NAV2: variants seen among roughly 807,000 people sequenced by gnomAD.
The protein encoded by NAV2 is helicase, APC down-regulated 1.
A neutral mutation model predicts 223.2 loss-of-function variants in NAV2; 54 were observed. That is an observed-to-expected ratio of 0.24 (90% CI 0.19 to 0.30). The LOEUF (loss-of-function observed/expected upper bound fraction) is 0.30, where lower values mean the gene tolerates loss of function less well. Ranked by LOEUF, NAV2 falls within the 10% of genes least tolerant of loss-of-function variation. The pLI is 1.00. For missense variants in NAV2, 2,806 were observed against 3,147.5 expected, an observed-to-expected ratio of 0.89 and a Z score of 2.60; for synonymous variants, 1,279 against 1,239.3, an observed-to-expected ratio of 1.03 and a Z score of -0.67.
chr11:19,875,076 G>C (rs534300295), intron 4 of NAV2, among the ~76,000 whole-genome samples: 11 of 152,180 alleles, frequency 7.2e-5, no homozygotes, highest in Non-Finnish European at 1.0e-4. Flanking sequence ...AGAATCACTT[G>C]AATCCAGGAG....
chr11:19,847,511 A>T (rs772634579), intron 3 of NAV2, among the ~76,000 whole-genome samples: 9 of 152,240 alleles, frequency 5.9e-5, no homozygotes, highest in Non-Finnish European at 1.0e-4. Flanking sequence ...GGCCAGCCTG[A>T]GCTTGGGGAC....
chr11:19,668,871 GT>G (rs1312097192), intron 1 of NAV2, among the ~76,000 whole-genome samples: 1 of 152,164 alleles, frequency 6.6e-6, no homozygotes, highest in African/African-American at 2.4e-5. Context: ...CAGAATGCAG[GT>G]AACAGACAAT....
intron 1 of NAV2, among the ~76,000 whole-genome samples, chr11:19,491,343 A>G (rs2042620123): frequency 6.6e-6 from 1 of 152,226 alleles, no homozygotes; most frequent in Non-Finnish European, 1.5e-5. Context: ...TTTCATATTC[A>G]CGGAAAATCA....
intron 7 of NAV2, among the ~76,000 whole-genome samples, chr11:19,938,070 C>T (rs2046068963): frequency 6.6e-6 from 1 of 152,026 alleles, no homozygotes; most frequent in African/African-American, 2.4e-5. Context: ...CCTGTTAAAG[C>T]CATGTGGAGA....
At chr11:19,539,297 A>C (rs1223332393) in intron 1 of NAV2, among the ~76,000 whole-genome samples, 1 of 152,174 alleles carries the variant, frequency 6.6e-6, no homozygotes, top group East Asian at 1.9e-4. Context: ...TCGTTTTCAA[A>C]ATTGATCTAT....
chr11:19,941,513 A>G (rs1164588737), intron 8 of NAV2, among the ~76,000 whole-genome samples: 1 of 141,732 alleles, frequency 7.1e-6, no homozygotes, highest in Non-Finnish European at 1.5e-5. Context: ...AGTGCATGGT[A>G]GGACTATTTA....
At chr11:19,578,028 A>G (rs2045616544) in intron 1 of NAV2, among the ~76,000 whole-genome samples, 1 of 152,182 alleles carries the variant, frequency 6.6e-6, no homozygotes. Flanking sequence ...TTCCAAACAC[A>G]CATCTATTTT....
At chr11:19,651,852 G>T (rs2047977154) in intron 1 of NAV2, among the ~76,000 whole-genome samples, 1 of 152,168 alleles carries the variant, frequency 6.6e-6, no homozygotes, top group Non-Finnish European at 1.5e-5. Context: ...CAAAGACAGG[G>T]CAGATGGCAG....
intron 6 of NAV2, among the ~76,000 whole-genome samples, chr11:19,897,404 A>T (rs1437992918): frequency 1.3e-5 from 2 of 152,222 alleles, no homozygotes; most frequent in African/African-American, 4.8e-5. Context: ...GGAATTAAAA[A>T]TTGTAACAGG....
At chr11:19,467,563 G>C (rs1852413065) in intron 1 of NAV2, among the ~76,000 whole-genome samples, 1 of 152,142 alleles carries the variant, frequency 6.6e-6, no homozygotes, top group Non-Finnish European at 1.5e-5. Flanking sequence ...TCCATGAGAG[G>C]CCGAACATTG....
chr11:19,612,292 G>A (rs2046668251), intron 1 of NAV2, among the ~76,000 whole-genome samples: 1 of 152,134 alleles, frequency 6.6e-6, no homozygotes, highest in African/African-American at 2.4e-5. Flanking sequence ...CTCTGACATG[G>A]CCTGGAGACA....
At chr11:19,382,938 C>G (rs557126391) in intron 1 of NAV2, among the ~76,000 whole-genome samples, 13 of 152,258 alleles carry the variant, frequency 8.5e-5, no homozygotes, top group African/African-American at 3.1e-4. Context: ...TAACTGTTAG[C>G]TGCTATTACT....
At position 19,984,217 on chromosome 11, in the gene NAV2, A is replaced by T. The variant is rs367996273; in HGVS notation, c.2738A>T (p.Asn913Ile). The T allele has an allele frequency of 1.2e-6, 2 of 1,614,028 alleles. No individual in the cohort carries two copies. The highest frequency in any genetic ancestry group is 2.7e-5 in the African/African-American group (2 of 74,926). Residue 913 changes from asparagine to isoleucine, a missense_variant, in exon 11 of 38, where the codon AAT (asparagine) becomes ATT (isoleucine). Coordinates refer to ENST00000349880, the MANE Select transcript of NAV2 (RefSeq NM_145117.5). Reference protein sequence around the residue: ...MAVVRETLQRNTSLGLGDADS... With the variant: ...MAVVRETLQRITSLGLGDADS... ...GTGGTACGGGAGACCCTGCAACGAAATACCTCCCTGGGCCTCGGAGACGCT... is the reference window on the plus strand; with the variant it reads ...GTGGTACGGGAGACCCTGCAACGAATTACCTCCCTGGGCCTCGGAGACGCT...
At chr11:20,081,466 G>A (rs1394767735) in intron 25 of NAV2, among the ~76,000 whole-genome samples, 1 of 152,164 alleles carries the variant, frequency 6.6e-6, no homozygotes, top group Non-Finnish European at 1.5e-5. Flanking sequence ...TCAAATCAGG[G>A]AAGATGGATA....
chr11:19,838,512 G>A (rs2060348283), intron 2 of NAV2, among the ~76,000 whole-genome samples: 1 of 152,200 alleles, frequency 6.6e-6, no homozygotes, highest in African/African-American at 2.4e-5. Flanking sequence ...CAGGTATAAG[G>A]CAATGAATTC....
upstream of NAV2, chr11:19,712,589 G>C (rs1380596017): frequency 6.6e-6 from 1 of 152,232 alleles, no homozygotes; most frequent in African/African-American, 2.4e-5. Flanking sequence ...TCAAAAGAAG[G>C]GTTTCAGGAA....
intron 1 of NAV2, among the ~76,000 whole-genome samples, chr11:19,806,608 G>A (rs546777378): frequency 1.6e-4 from 25 of 152,342 alleles, no homozygotes; most frequent in African/African-American, 5.5e-4. Flanking sequence ...TGGCCAGATC[G>A]TGTCTCTGAA....
chr11:19,997,260 G>A (rs1269533574), intron 11 of NAV2, among the ~76,000 whole-genome samples: 3 of 152,212 alleles, frequency 2.0e-5, no homozygotes, highest in Non-Finnish European at 4.4e-5. Flanking sequence ...CACCTAACCA[G>A]AAGCTGGTGG....
chr11:19,804,726 T>A (rs768803212), intron 1 of NAV2, among the ~76,000 whole-genome samples: 5 of 152,194 alleles, frequency 3.3e-5, no homozygotes, highest in Non-Finnish European at 5.9e-5. Context: ...TACAAGGGGA[T>A]ATGGAGATAA....
Sources: gnomAD v4.1 joint callset for allele counts (sites outside exome capture counted in the v4.1 genomes callset) on GRCh38, gnomAD v4.1.1 for gene constraint, MANE v1.5 for transcripts, NCBI Gene and HGNC (gene_info 2026-07-23, HGNC 2026-07-21) for gene names.